The following CDH18 variants were observed in gnomAD, a reference collection of about 807,000 sequenced individuals.
The protein encoded by CDH18 is cadherin-18.
CDH18 carries 31 observed loss-of-function variants against 67.9 expected under a neutral mutation model. The observed-to-expected ratio is 0.46, with a 90% CI of 0.34 to 0.62. The LOEUF (loss-of-function observed/expected upper bound fraction) is 0.62. Among genes scored for constraint, CDH18 ranks in the 20% least tolerant of loss-of-function variants. The pLI, the probability that CDH18 is intolerant of heterozygous loss-of-function variation, is 0.01. For synonymous variants in CDH18, 362 were observed against 347.2 expected (o/e 1.04, Z -0.48); for missense variants, 890 against 975.5 (o/e 0.91, Z 1.17).
intron 5 of CDH18, among the ~76,000 whole-genome samples, chr5:19,705,191 T>C (rs574339840): frequency 1.3e-5 from 2 of 152,288 alleles, no homozygotes; most frequent in Admixed American, 1.3e-4. Flanking sequence ...TTGAGAAATA[T>C]TACTCCAACG....
At chr5:20,240,172 AG>A (rs1369388495) in intron 2 of CDH18, among the ~76,000 whole-genome samples, 1 of 152,106 alleles carries the variant, frequency 6.6e-6, no homozygotes, top group Non-Finnish European at 1.5e-5. Flanking sequence ...TTAAAAAAAA[AG>A]AATAATATGA....
upstream of CDH18, among the ~76,000 whole-genome samples, chr5:19,991,191 G>T (rs1288379747): frequency 2.0e-5 from 3 of 152,176 alleles, no homozygotes; most frequent in Non-Finnish European, 4.4e-5. Context: ...AATTTAGCAA[G>T]TTATGTGATG....
chr5:19,536,403 A>G (rs1749430171), intron 9 of CDH18, among the ~76,000 whole-genome samples: 1 of 152,204 alleles, frequency 6.6e-6, no homozygotes, highest in South Asian at 2.1e-4. Flanking sequence ...GAAATTATTG[A>G]AAAAACCTGG....
At chr5:19,914,202 A>T (rs974136476) in intron 2 of CDH18, among the ~76,000 whole-genome samples, 11 of 152,104 alleles carry the variant, frequency 7.2e-5, no homozygotes, top group African/African-American at 2.7e-4. Context: ...ATAGTGTCTT[A>T]TATGCAGTAG....
At chr5:19,670,729 C>T (rs537487612) in intron 5 of CDH18, among the ~76,000 whole-genome samples, 6 of 152,094 alleles carry the variant, frequency 3.9e-5, no homozygotes, top group South Asian at 2.1e-4. Flanking sequence ...CCAAGCTGAA[C>T]GACAAGATCA....
At chr5:20,078,343 G>C (rs1441742967) in intron 2 of CDH18, among the ~76,000 whole-genome samples, 1 of 151,842 alleles carries the variant, frequency 6.6e-6, no homozygotes, top group Admixed American at 6.6e-5. Flanking sequence ...TGTGCCTGTA[G>C]TCCCAGCTAC....
rs576314570 is a variant in CDH18, at chr5:19,645,995, T to C, written c.644-33394A>G. 7.2e-5 allele frequency among the ~76,000 whole-genome samples: 11 copies of C among 152,252 alleles called. No homozygotes were observed. The South Asian group carries it at 2.1e-3, about 29-fold the overall frequency. On this transcript the variant is annotated intron_variant, in intron 5 of 12. Coordinates refer to ENST00000382275, the MANE Select transcript of CDH18 (RefSeq NM_004934.5). ...ACAATATATGGAAGCAAGAAAAGAATAAATAGAAGAAAACGACAAATGATG... is the reference window on the plus strand; with the variant it reads ...ACAATATATGGAAGCAAGAAAAGAACAAATAGAAGAAAACGACAAATGATG...
chr5:20,395,458 G>T (rs1053660477), intron 1 of CDH18, among the ~76,000 whole-genome samples: 1 of 152,088 alleles, frequency 6.6e-6, no homozygotes, highest in East Asian at 1.9e-4. Flanking sequence ...AGGGTAGGAA[G>T]TAGGAATAAG....
intron 1 of CDH18, among the ~76,000 whole-genome samples, chr5:20,495,087 C>T (rs748332411): frequency 2.0e-5 from 3 of 152,014 alleles, no homozygotes; most frequent in Non-Finnish European, 4.4e-5. Context: ...TAACATTGTA[C>T]CTTTCTCATT....
At chr5:20,210,647 T>C (rs1740283738) in intron 2 of CDH18, among the ~76,000 whole-genome samples, 1 of 152,014 alleles carries the variant, frequency 6.6e-6, no homozygotes, top group Non-Finnish European at 1.5e-5. Flanking sequence ...GATTTTATTT[T>C]ATATCCGATA....
chr5:20,453,598 T>C lies in CDH18; in HGVS notation c.-580+121864A>G, dbSNP rs142118142. On this transcript the variant is annotated intron_variant, in intron 1 of 14. Coordinates refer to the CDH18 transcript ENST00000507958. ...ATGTGTGTGTGTGTGTGTGTATATG[T>C]ATATATATGTGTGTGTGTATATATA... 7.1e-3 allele frequency among the ~76,000 whole-genome samples: 1,086 copies of C among 151,914 alleles called. 8 individuals carry two copies. The highest frequency in any genetic ancestry group is 0.025 in the African/African-American group (1,028 of 41,412).
intron 7 of CDH18, among the ~76,000 whole-genome samples, chr5:19,583,618 G>C (rs1743630776): frequency 6.6e-6 from 1 of 152,044 alleles, no homozygotes. Context: ...TGCAAAAATA[G>C]GAAGAAAAGA....
intron 5 of CDH18, among the ~76,000 whole-genome samples, chr5:19,618,706 G>A (rs943376028): frequency 6.6e-6 from 1 of 152,070 alleles, no homozygotes; most frequent in Non-Finnish European, 1.5e-5. Flanking sequence ...CAGGGCAGTG[G>A]GTCCCAGGCA....
chr5:20,457,154 A>G (rs926613718), intron 1 of CDH18, among the ~76,000 whole-genome samples: 4 of 152,156 alleles, frequency 2.6e-5, no homozygotes, highest in Non-Finnish European at 5.9e-5. Context: ...AGCAAAATAG[A>G]TCAAAATGTC....
chr5:20,238,680 C>A (rs575301906), intron 2 of CDH18, among the ~76,000 whole-genome samples: 1 of 152,238 alleles, frequency 6.6e-6, no homozygotes, highest in Non-Finnish European at 1.5e-5. Context: ...TATTCCACTC[C>A]TTGGCATTTA....
intron 1 of CDH18, among the ~76,000 whole-genome samples, chr5:20,420,632 A>G (rs1747790047): frequency 6.6e-6 from 1 of 151,168 alleles, no homozygotes; most frequent in Non-Finnish European, 1.5e-5. Flanking sequence ...AGACATAAAT[A>G]AGGTCTTTTG....
chr5:19,861,097 T>G (rs1389406606), intron 2 of CDH18, among the ~76,000 whole-genome samples: 7 of 152,182 alleles, frequency 4.6e-5, no homozygotes, highest in Admixed American at 4.6e-4. Context: ...CAGAACGTTA[T>G]TAAGTGTTCC....
chr5:20,333,536 C>T (rs1331752693), intron 1 of CDH18, among the ~76,000 whole-genome samples: 2 of 143,312 alleles, frequency 1.4e-5, no homozygotes, highest in Non-Finnish European at 3.1e-5. Context: ...TATACACACA[C>T]ACACACACAC....
chr5:19,993,248 G>C (rs1300941665), intron 2 of CDH18, among the ~76,000 whole-genome samples: 1 of 152,028 alleles, frequency 6.6e-6, no homozygotes, highest in Non-Finnish European at 1.5e-5. Flanking sequence ...ACCAAAACCT[G>C]TGAATATGAT....
Sources: gnomAD v4.1 joint callset for allele counts (sites outside exome capture counted in the v4.1 genomes callset) on GRCh38, gnomAD v4.1.1 for gene constraint, MANE v1.5 for transcripts, NCBI Gene and HGNC (gene_info 2026-07-23, HGNC 2026-07-21) for gene names.